ATXN2: variants seen among roughly 807,000 people sequenced by gnomAD.
ATXN2 encodes the protein ataxin-2.
Under a neutral mutation model 138.6 loss-of-function variants are expected in ATXN2, and 37 were observed. That is an observed-to-expected ratio of 0.27 (90% CI 0.21 to 0.35). ATXN2 has a LOEUF of 0.35. ATXN2 is among the 10% of genes least tolerant of loss of function. ATXN2 has a pLI of 1.00. For missense variants in ATXN2, 1,216 were observed against 1,480.3 expected (o/e 0.82, Z 2.93); for synonymous variants, 549 against 543.7 (o/e 1.01, Z -0.13).
At chr12:111,467,512 C>T (rs1004284266) in intron 20 of ATXN2, among the ~76,000 whole-genome samples, 2 of 151,886 alleles carry the variant, frequency 1.3e-5, no homozygotes, top group Non-Finnish European at 2.9e-5. Context: ...TAACTAGTGA[C>T]AATCACAACA....
chr12:111,575,386 T>TA (rs1883580329), intron 1 of ATXN2, among the ~76,000 whole-genome samples: 2 of 152,092 alleles, frequency 1.3e-5, no homozygotes, highest in East Asian at 3.9e-4. Flanking sequence ...GGGGTCTTGT[T>TA]ATGTTTCTCA....
chr12:111,588,137 T>C (rs1436770193), intron 1 of ATXN2, among the ~76,000 whole-genome samples: 1 of 151,610 alleles, frequency 6.6e-6, no homozygotes, highest in Admixed American at 6.6e-5. Flanking sequence ...CAGTGAGCCG[T>C]ATTTGCAACA....
intron 18 of ATXN2, among the ~76,000 whole-genome samples, chr12:111,479,389 C>CT (rs1179155444): frequency 2.0e-3 from 137 of 66,836 alleles, no homozygotes; most frequent in African/African-American, 0.011. Flanking sequence ...CCCGTCTCTG[C>CT]TAAAAAAAAA....
chr12:111,560,478 T>G (rs1047183454), intron 1 of ATXN2, among the ~76,000 whole-genome samples: 2 of 151,886 alleles, frequency 1.3e-5, no homozygotes, highest in Admixed American at 6.6e-5. Context: ...TAGTAATTAG[T>G]GTAGCTTAAC....
chr12:111,585,925 A>G (rs1884302865), intron 1 of ATXN2, among the ~76,000 whole-genome samples: 1 of 147,122 alleles, frequency 6.8e-6, no homozygotes, highest in Non-Finnish European at 1.5e-5. Flanking sequence ...TTTTTTTGAG[A>G]TAAGGTCTCA....
intron 14 of ATXN2, among the ~76,000 whole-genome samples, chr12:111,497,624 A>AAT (rs935070361): frequency 3.9e-4 from 59 of 150,874 alleles, no homozygotes; most frequent in African/African-American, 8.2e-4. Flanking sequence ...AAGACTAAAA[A>AAT]ATATATATAT....
intron 14 of ATXN2, among the ~76,000 whole-genome samples, chr12:111,500,712 A>C (rs573944302): frequency 5.9e-5 from 9 of 152,144 alleles, no homozygotes; most frequent in Non-Finnish European, 1.3e-4. Context: ...GTCTCTACTA[A>C]AAATACAAAA....
chr12:111,599,506 T>C, upstream of ATXN2: 1 of 1,213,634 alleles, frequency 8.2e-7, no homozygotes, highest in South Asian at 3.6e-5. Context: ...CTGCGGCCGC[T>C]GAGCGCATCG....
At chr12:111,584,377 C>CACA (rs1288108226) in intron 1 of ATXN2, among the ~76,000 whole-genome samples, 2 of 44,736 alleles carry the variant, frequency 4.5e-5, no homozygotes, top group Admixed American at 4.4e-4. Flanking sequence ...GACCCTGTCT[C>CACA]AAAAAAAAAA....
intron 14 of ATXN2, among the ~76,000 whole-genome samples, chr12:111,504,111 T>C (rs1277928293): frequency 3.3e-5 from 5 of 152,214 alleles, no homozygotes; most frequent in Non-Finnish European, 7.3e-5. Flanking sequence ...GCTAAAATGT[T>C]TTCTGCTAAC....
rs1885139183 is a variant in ATXN2, at chr12:111,599,293, T to C, written c.-259A>G. 2.1e-6 allele frequency: 2 copies of C among 932,536 alleles called. No homozygotes were observed. Among genetic ancestry groups the C allele is most frequent in the Non-Finnish European group, 2.5e-6 (2 of 814,138 alleles). The allele number at this position is 932,536 out of a possible 1,614,324, so 57.8% of individuals were successfully genotyped here. On this transcript the variant is annotated 5_prime_UTR_variant, in exon 1 of 25. Coordinates refer to ENST00000673436, the MANE Select transcript of ATXN2 (RefSeq NM_001372574.1). The stretch of plus-strand genomic sequence containing the variant: ...CGTTGCCGTTGCTACCAAAACAGTC[T>C]GAGGCGGAGGGAGGCGAGCTCTGCC...
intron 14 of ATXN2, among the ~76,000 whole-genome samples, chr12:111,495,197 A>G (rs941676943): frequency 6.6e-6 from 1 of 151,718 alleles, no homozygotes; most frequent in African/African-American, 2.4e-5. Flanking sequence ...AATCCCAGCT[A>G]CTTGGGAGGC....
chr12:111,460,080 T>C (rs1213281429), intron 21 of ATXN2, among the ~76,000 whole-genome samples: 1 of 152,058 alleles, frequency 6.6e-6, no homozygotes, highest in South Asian at 2.1e-4. Flanking sequence ...CGGTGGACAG[T>C]GCAGTTTTGT....
Position 111,568,992 on chromosome 12 carries a change from TTTTG to T in ATXN2, c.252-13077_252-13074del, listed in dbSNP as rs1481196155. On this transcript the variant is annotated intron_variant, in intron 1 of 24. Coordinates refer to ENST00000673436, the MANE Select transcript of ATXN2 (RefSeq NM_001372574.1). ...CCAAACACAGTGAAGCTAGAGTTTT[TTTTG>T]TTTTGTTTTGTTTTGTTTTGTTTTT... 4.3e-4 allele frequency among the ~76,000 whole-genome samples: 21 copies of T among 48,960 alleles called. No homozygotes were observed. In the African/African-American group the frequency reaches 7.0e-3, roughly 16 times the overall value. The allele number at this position is 48,960 out of a possible 152,430, so 32.1% of individuals were successfully genotyped here.
rs1410671569 is a variant in ATXN2, at chr12:111,598,178, G to A, written c.251+606C>T. The A allele has an allele frequency of 1.9e-6, 2 of 1,069,654 alleles. No individual in the cohort carries two copies. The highest frequency in any genetic ancestry group is 3.3e-5 in the African/African-American group (2 of 60,006). 66.3% of individuals were successfully genotyped at this position (1,069,654 alleles called of 1,614,324 possible). A position where few individuals can be genotyped will look rare whatever the true frequency, so the allele number is the denominator to read the frequency against. On this transcript the variant is annotated intron_variant, in intron 1 of 24. Coordinates refer to ENST00000673436, the MANE Select transcript of ATXN2 (RefSeq NM_001372574.1). This position sits in a 1 kb window ranked among gnomAD's most constrained non-coding sequence, Gnocchi z 4.5. ...GGGGTGCGGGGGCCAAGGCCCACTT[G>A]TCTCCACCCCGTCCTCCGATCTTTC...
chr12:111,517,827 A>G (rs1233079994), intron 9 of ATXN2, among the ~76,000 whole-genome samples: 1 of 152,178 alleles, frequency 6.6e-6, no homozygotes, highest in Non-Finnish European at 1.5e-5. Flanking sequence ...ATAGAAACAA[A>G]TAATGAAAAT....
rs951597000 is a variant in ATXN2, at chr12:111,598,942, G to T, written c.93C>A (p.Pro31=). 4 of 1,461,896 alleles carry T rather than the reference G, an allele frequency of 2.7e-6. No homozygotes were observed. In the African/African-American group the frequency reaches 6.5e-5, roughly 24 times the overall value. The allele number at this position is 1,461,896 out of a possible 1,614,324, so 90.6% of individuals were successfully genotyped here. The change falls in exon 1 of 25, where the codon CCC becomes CCA. Residue 31 remains proline (P), a synonymous_variant. Coordinates refer to ENST00000673436, the MANE Select transcript of ATXN2 (RefSeq NM_001372574.1). This position sits in a 1 kb window ranked among gnomAD's most constrained non-coding sequence, Gnocchi z 4.5. ...CGGGCTTGCGGACATTGGCAGCCGC[G>T]GGCGGCGGCTGCTGCTGCTGCTGCT... ...QQQQQQQQPP[P]AAANVRKPGG...
At position 111,587,671 on chromosome 12, in the gene ATXN2, TA is replaced by T. The variant is rs367714796; in HGVS notation, c.251+11112del. Among the ~76,000 whole-genome samples, 889 of 150,826 alleles carry T rather than the reference TA, an allele frequency of 5.9e-3. 10 individuals are homozygous for T. Among genetic ancestry groups the T allele is most frequent in the African/African-American group, 0.02 (823 of 41,120 alleles). On this transcript the variant is annotated intron_variant, in intron 1 of 24. Transcript: ENST00000673436. ...ACTCAGTCTCAAAAAAAAGGAAATT[TA>T]AAAAAAAACTGATCATTGGCAACAC...
intron 1 of ATXN2, chr12:111,565,014 T>G (rs1882913393): frequency 6.6e-6 from 1 of 152,200 alleles, no homozygotes; most frequent in Non-Finnish European, 1.5e-5. Context: ...TAAGACACCA[T>G]GCCTAGCCTC....
Sources: gnomAD v4.1 joint callset for allele counts (sites outside exome capture counted in the v4.1 genomes callset) on GRCh38, gnomAD v4.1.1 for gene constraint, Gnocchi (gnomAD v3.1) non-coding constraint, MANE v1.5 for transcripts, NCBI Gene and HGNC (gene_info 2026-07-23, HGNC 2026-07-21) for gene names.